Variants in IQCH observed in about 807,000 individuals in gnomAD.
The protein encoded by IQCH is IQ domain-containing protein H.
In IQCH, 98 loss-of-function variants were observed where a neutral mutation model predicts 117.0. The ratio of observed to expected loss-of-function variants is 0.84; its 90% CI spans 0.71 to 0.99. The LOEUF is 0.99. Ranked by LOEUF, IQCH falls within the 50% of genes least tolerant of loss-of-function variation. IQCH has a pLI of 0.00. For missense variants in IQCH, 1,102 were observed against 1,243.8 expected, an observed-to-expected ratio of 0.89 and a Z score of 1.72; for synonymous variants, 412 against 448.2, an observed-to-expected ratio of 0.92 and a Z score of 1.02.
intron 3 of IQCH, among the ~76,000 whole-genome samples, chr15:67,271,438 T>C (rs540568872): frequency 6.6e-6 from 1 of 152,382 alleles, no homozygotes; most frequent in South Asian, 2.1e-4. Context: ...TACAATGAGT[T>C]TGAAATTTCC....
rs2082424470 is a variant in IQCH, at chr15:67,447,835, G to A, written c.2506-17292G>A. ...GCAACAGCTTGCGTTTTAGAAAGTGGCACTGTCCTCAGAGCTGAGTCTTTA... is the reference window on the plus strand; with the variant it reads ...GCAACAGCTTGCGTTTTAGAAAGTGACACTGTCCTCAGAGCTGAGTCTTTA... On this transcript the variant is annotated intron_variant, in intron 16 of 20. Coordinates refer to ENST00000335894, the MANE Select transcript of IQCH (RefSeq NM_001031715.3). The surrounding 1 kb of genome is among the most constrained non-coding windows in gnomAD (Gnocchi z 5.3). Among the ~76,000 whole-genome samples, 1 of 152,190 alleles carries A rather than the reference G, an allele frequency of 6.6e-6. No homozygotes were observed. The highest frequency in any genetic ancestry group is 2.4e-5 in the African/African-American group (1 of 41,440).
intron 4 of IQCH, among the ~76,000 whole-genome samples, chr15:67,302,063 C>T (rs1967072681): frequency 6.6e-6 from 1 of 152,156 alleles, no homozygotes; most frequent in Admixed American, 6.5e-5. Flanking sequence ...TTCCTCCCTA[C>T]ACCAGACCTA....
At position 67,411,401 on chromosome 15, in the gene IQCH, C is replaced by G. The variant is rs1217228270; in HGVS notation, c.2098-5530C>G. ...ATAGTCCACATGGCTCCTTTCAACACTGACAGTCTTGCTTACTTTTTCAGG... is the reference window on the plus strand; with the variant it reads ...ATAGTCCACATGGCTCCTTTCAACAGTGACAGTCTTGCTTACTTTTTCAGG... On this transcript the variant is annotated intron_variant, in intron 14 of 20. Transcript: ENST00000335894. The surrounding 1 kb of genome is among the most constrained non-coding windows in gnomAD (Gnocchi z 4.4). Among the ~76,000 whole-genome samples the G allele has an allele frequency of 6.6e-6, 1 of 152,206 alleles. No homozygotes were observed. The highest frequency in any genetic ancestry group is 1.5e-5 in the Non-Finnish European group (1 of 68,038).
chr15:67,329,027 G>C (rs1052877922), intron 4 of IQCH, among the ~76,000 whole-genome samples: 1 of 152,070 alleles, frequency 6.6e-6, no homozygotes, highest in Non-Finnish European at 1.5e-5. Context: ...GGCTGGGCAT[G>C]GTGGCTCACA....
At position 67,453,945 on chromosome 15, in the gene IQCH, C is replaced by G. The variant is rs2082596875; in HGVS notation, c.2506-11182C>G. On this transcript the variant is annotated intron_variant, in intron 16 of 20. Coordinates refer to ENST00000335894, the MANE Select transcript of IQCH (RefSeq NM_001031715.3). The surrounding 1 kb of genome is among the most constrained non-coding windows in gnomAD (Gnocchi z 5.8). ...TCGGCAATGGCGGGCACCCCTCCCC[C>G]AGCCTCGCTGCCGCCTTGCAGTTCG... is the stretch of plus-strand genomic sequence containing the variant. Among the ~76,000 whole-genome samples the G allele has an allele frequency of 6.6e-6, 1 of 152,256 alleles. No homozygotes were observed. Among genetic ancestry groups the G allele is most frequent in the Non-Finnish European group, 1.5e-5 (1 of 68,046 alleles).
intron 4 of IQCH, among the ~76,000 whole-genome samples, chr15:67,314,028 C>T (rs564261788): frequency 6.6e-6 from 1 of 152,254 alleles, no homozygotes; most frequent in East Asian, 1.9e-4. Flanking sequence ...CTGTCCCTTT[C>T]ATATAAATGG....
chr15:67,330,374 A>C (rs544797801), intron 4 of IQCH, among the ~76,000 whole-genome samples: 1 of 152,352 alleles, frequency 6.6e-6, no homozygotes, highest in African/African-American at 2.4e-5. Flanking sequence ...GAAGTTAAAT[A>C]ACATACACTC....
rs1470576761 is a variant in IQCH, at chr15:67,359,240, G to GA, written c.715-600dup. On this transcript the variant is annotated intron_variant, in intron 7 of 20. Coordinates refer to ENST00000335894, the MANE Select transcript of IQCH (RefSeq NM_001031715.3). The surrounding 1 kb of genome is among the most constrained non-coding windows in gnomAD (Gnocchi z 4.5). ...TTTTAGCCAGTAAATGGTTTACCAC[G>GA]AAAAAAATAGTTTTAAATAATGACA... is the stretch of plus-strand genomic sequence containing the variant. 6.6e-6 allele frequency among the ~76,000 whole-genome samples: 1 copy of GA among 152,018 alleles called. No individual in the cohort carries two copies. Among genetic ancestry groups the GA allele is most frequent in the Admixed American group, 6.6e-5 (1 of 15,262 alleles).
chr15:67,490,425 C>T lies in IQCH; in HGVS notation c.2861+361C>T, dbSNP rs570681316. 3.3e-5 allele frequency among the ~76,000 whole-genome samples: 5 copies of T among 152,152 alleles called. No homozygotes were observed. The East Asian group carries it at 5.8e-4, about 18-fold the overall frequency. Reference sequence around the variant, plus strand: ...TTCATCATGTTGGCCAGGATGGTCTCGATCTCTTGACCTCGTGATGCACCC... The same window carrying T: ...TTCATCATGTTGGCCAGGATGGTCTTGATCTCTTGACCTCGTGATGCACCC... On this transcript the variant is annotated intron_variant, in intron 19 of 20. Transcript: ENST00000335894. This position sits in a 1 kb window ranked among gnomAD's most constrained non-coding sequence, Gnocchi z 4.9.
chr15:67,449,953 T>G (rs954354033), intron 16 of IQCH, among the ~76,000 whole-genome samples: 1 of 152,164 alleles, frequency 6.6e-6, no homozygotes, highest in Admixed American at 6.5e-5. Flanking sequence ...CCCTTGTAAG[T>G]TGGATTCCTA....
rs1452248289 is a variant in IQCH at position 67,359,775 on chromosome 15, C to T, written c.715-72C>T. The T allele has an allele frequency of 4.6e-6, 6 of 1,309,696 alleles. No homozygotes were observed. The highest frequency in any genetic ancestry group is 6.6e-6 in the Non-Finnish European group (6 of 902,732). 81.1% of individuals were successfully genotyped at this position (1,309,696 alleles called of 1,614,324 possible). The stretch of plus-strand genomic sequence containing the variant: ...ATGGGGAAGGGGGTGAGGCTCTGAG[C>T]CTTCTATTTGTTTTGTAAAATTGCC... On this transcript the variant is annotated intron_variant, in intron 7 of 20. Coordinates refer to ENST00000335894, the MANE Select transcript of IQCH (RefSeq NM_001031715.3). The surrounding 1 kb of genome is among the most constrained non-coding windows in gnomAD (Gnocchi z 4.5).
chr15:67,353,195 A>T (rs1011075907), intron 6 of IQCH, among the ~76,000 whole-genome samples: 1 of 151,784 alleles, frequency 6.6e-6, no homozygotes, highest in Non-Finnish European at 1.5e-5. Flanking sequence ...ATAATAAGTG[A>T]CGTAAGCCTA....
At chr15:67,492,462 C>G (rs1283629086) in intron 19 of IQCH, among the ~76,000 whole-genome samples, 1 of 152,140 alleles carries the variant, frequency 6.6e-6, no homozygotes, top group Non-Finnish European at 1.5e-5. Context: ...AAACACTGGA[C>G]CCAGGATTCA....
chr15:67,362,483 A>G (rs1007121108), intron 8 of IQCH, among the ~76,000 whole-genome samples: 1 of 152,188 alleles, frequency 6.6e-6, no homozygotes, highest in Non-Finnish European at 1.5e-5. Flanking sequence ...TTTTCCCACC[A>G]TATACTTCTG....
At chr15:67,263,089 A>G in intron 2 of IQCH, 33 bp from the exon 3 acceptor site, 1 of 1,151,498 alleles carries the variant, frequency 8.7e-7, no homozygotes, top group Non-Finnish European at 1.3e-6. Flanking sequence ...TAAGTCCACA[A>G]TAATTGCCTA....
intron 3 of IQCH, among the ~76,000 whole-genome samples, chr15:67,267,628 G>A (rs1420458160): frequency 6.6e-6 from 1 of 152,200 alleles, no homozygotes; most frequent in East Asian, 1.9e-4. Flanking sequence ...CTGTGAGGCT[G>A]ATTGAGTATC....
At chr15:67,316,305 A>G (rs1194635497) in intron 4 of IQCH, among the ~76,000 whole-genome samples, 2 of 152,190 alleles carry the variant, frequency 1.3e-5, no homozygotes, top group South Asian at 2.1e-4. Flanking sequence ...AGTTTACTCC[A>G]TATCTAATAC....
At chr15:67,301,994 T>C (rs1044555628) in intron 4 of IQCH, among the ~76,000 whole-genome samples, 21 of 152,174 alleles carry the variant, frequency 1.4e-4, no homozygotes, top group African/African-American at 5.1e-4. Context: ...AATTTAACAA[T>C]AGGCAGAACA....
At position 67,453,903 on chromosome 15, in the gene IQCH, G is replaced by A. The variant is rs535150864; in HGVS notation, c.2506-11224G>A. Among the ~76,000 whole-genome samples, 45 of 152,194 alleles carry A rather than the reference G, an allele frequency of 3.0e-4. No homozygotes were observed. The highest frequency in any genetic ancestry group is 9.1e-4 in the African/African-American group (38 of 41,552). On this transcript the variant is annotated intron_variant, in intron 16 of 20. Transcript: ENST00000335894. The surrounding 1 kb of genome is among the most constrained non-coding windows in gnomAD (Gnocchi z 5.8). ...CAAGCTTCCCGGCCGCTTTGTTTACGTAATCAAACAACTAACTCGGCAATG... is the reference window on the plus strand; with the variant it reads ...CAAGCTTCCCGGCCGCTTTGTTTACATAATCAAACAACTAACTCGGCAATG...
Sources: gnomAD v4.1 joint callset for allele counts (sites outside exome capture counted in the v4.1 genomes callset) on GRCh38, gnomAD v4.1.1 for gene constraint, Gnocchi (gnomAD v3.1) non-coding constraint, MANE v1.5 for transcripts, NCBI Gene and HGNC (gene_info 2026-07-23, HGNC 2026-07-21) for gene names.